Variants in HOXB6 observed in about 807,000 individuals in gnomAD.
HOXB6 encodes the protein homeobox B6.
Under a neutral mutation model 24.2 loss-of-function variants are expected in HOXB6, and 18 were observed. That is an observed-to-expected ratio of 0.74 (90% confidence interval 0.51 to 1.10). HOXB6 has a LOEUF of 1.10. Among genes scored for constraint, HOXB6 ranks in the 50% least tolerant of loss-of-function variants. The pLI is 0.00. For missense variants in HOXB6, 332 were observed against 308.3 expected (o/e 1.08, Z -0.58); for synonymous variants, 159 against 139.1 (o/e 1.14, Z -1.01).
Position 48,597,755 on chromosome 17 carries a change from C to T in HOXB6, c.396G>A (p.Gln132=). ...ACTCACTGTTGCACGAATTCATCCG[C>T]TGCATCCACGGGTAGACCGGAGTGG... The part of the protein sequence containing the change: ...KCSTPVYPWM[Q]RMNSCNSSSF... Residue 132 remains glutamine, a synonymous_variant, in exon 3 of 4, where the codon CAG becomes CAA. Transcript: ENST00000225648. 5.6e-6 allele frequency: 9 copies of T among 1,613,088 alleles called. No homozygotes were observed. The highest frequency in any genetic ancestry group is 7.6e-6 in the Non-Finnish European group (9 of 1,179,586).
In HOXB6 at chr17:48,596,714, G is replaced by A; in HGVS notation, c.416-42C>T. 1 of 1,604,976 alleles carries A rather than the reference G, an allele frequency of 6.2e-7. No homozygotes were observed. The highest frequency in any genetic ancestry group is 8.5e-7 in the Non-Finnish European group (1 of 1,179,856). On this transcript the variant is annotated intron_variant, in intron 3 of 3. Coordinates refer to ENST00000225648, the MANE Select transcript of HOXB6 (RefSeq NM_018952.5). The surrounding 1 kb of genome is among the most constrained non-coding windows in gnomAD (Gnocchi z 4.8). ...AGATGCTGAGGCCTGCGGTCACCGG[G>A]CCCAGGACCCCCTCCCCTAGTCGAC... is the stretch of plus-strand genomic sequence containing the variant.
intron 2 of HOXB6, among the ~76,000 whole-genome samples, chr17:48,600,288 A>G (rs2070427685): frequency 6.6e-6 from 1 of 152,096 alleles, no homozygotes; most frequent in Admixed American, 6.5e-5. Flanking sequence ...CTCCCTGCCC[A>G]CAATGTCTCC....
At chr17:48,600,311 A>G in intron 2 of HOXB6, 1 of 380,264 alleles carries the variant, frequency 2.6e-6, no homozygotes, top group Non-Finnish European at 5.2e-6. Context: ...CCTAGCACTA[A>G]ATAGTGTGGT....
chr17:48,597,685 G>A (rs1485561783), intron 3 of HOXB6, 51 bp downstream of exon 3: 10 of 1,583,198 alleles, frequency 6.3e-6, no homozygotes, highest in Non-Finnish European at 8.6e-6. Context: ...CTGTGTCCCG[G>A]GGTGGGCGCC....
At position 48,597,872 on chromosome 17, in the gene HOXB6, G is replaced by C. The variant is rs35227248; in HGVS notation, c.279C>G (p.Ala93=). The C allele has an allele frequency of 8.2e-6, 13 of 1,591,074 alleles. No homozygotes were observed. In the South Asian group the frequency reaches 1.2e-4, roughly 15 times the overall value. ...CGGGGTGGAACGGGGGCTGCTCGTC[G>C]GCGCCGGAGAGTGCGCAGGCCGACT... ...EKESACALSG[A]DEQPPFHPEP... The change falls in exon 3 of 4, where the codon GCC becomes GCG. Residue 93 remains alanine (A), a synonymous_variant. Transcript: ENST00000225648.
intron 2 of HOXB6, chr17:48,601,470 T>C (rs1162262042): frequency 6.6e-6 from 1 of 152,428 alleles, no homozygotes; most frequent in East Asian, 1.9e-4. Context: ...TTCAATACCA[T>C]GTACCAGCTT....
intron 2 of HOXB6, among the ~76,000 whole-genome samples, chr17:48,602,828 T>C (rs928219554): frequency 6.6e-6 from 1 of 152,218 alleles, no homozygotes; most frequent in African/African-American, 2.4e-5. Flanking sequence ...CCTCCAAGAC[T>C]ACAGGAGAAA....
At position 48,597,842 on chromosome 17, in the gene HOXB6, C is replaced by G. The variant is rs1223964587; in HGVS notation, c.309G>C (p.Pro103=). ...TGTCCTGCGCGCAGTCCGACTTCCG[C>G]GGCTCGGGGTGGAACGGGGGCTGCT... ...ADEQPPFHPE[P]RKSDCAQDKS... Residue 103 remains proline, a synonymous_variant, in exon 3 of 4, where the codon CCG becomes CCC. Transcript: ENST00000225648. The G allele has an allele frequency of 6.2e-7, 1 of 1,600,318 alleles. No homozygotes were observed.
rs2070339954 is a variant in HOXB6 at position 48,597,631 on chromosome 17, C to T, written c.415+105G>A. 5 of 1,271,534 alleles carry T rather than the reference C, an allele frequency of 3.9e-6. No individual in the cohort carries two copies. The South Asian group carries it at 5.1e-5, about 13-fold the overall frequency. The allele number at this position is 1,271,534 out of a possible 1,614,324, so 78.8% of individuals were successfully genotyped here. A position where few individuals can be genotyped will look rare whatever the true frequency, so the allele number is the denominator to read the frequency against. ...TTCTATCTCCTAACTGAGATGCCCA[C>T]CCAGCACCCTGTGGGAGATTGGGGC... On this transcript the variant is annotated intron_variant, in intron 3 of 3. Coordinates refer to ENST00000225648, the MANE Select transcript of HOXB6 (RefSeq NM_018952.5).
chr17:48,600,300 T>C, intron 2 of HOXB6: 1 of 371,698 alleles, frequency 2.7e-6, no homozygotes, highest in Non-Finnish European at 5.3e-6. Flanking sequence ...AATGTCTCCA[T>C]CCTAGCACTA....
intron 2 of HOXB6, chr17:48,600,624 C>T (rs1227340280): frequency 2.3e-6 from 1 of 440,582 alleles, no homozygotes; most frequent in East Asian, 7.0e-5. Flanking sequence ...GAGACCGACT[C>T]CTTTCTGGAG....
In HOXB6 at chr17:48,596,951, G is replaced by T; in HGVS notation, c.416-279C>A. ...GGCTGGTCAGGTGTGTCTCTTCCTA[G>T]TTGCATCTTGTCTTTCCCTCCCTTT... On this transcript the variant is annotated intron_variant, in intron 3 of 3. Transcript: ENST00000225648. This position sits in a 1 kb window ranked among gnomAD's most constrained non-coding sequence, Gnocchi z 4.8. 7.5e-7 allele frequency: 1 copy of T among 1,336,810 alleles called. No homozygotes were observed. The highest frequency in any genetic ancestry group is 9.7e-7 in the Non-Finnish European group (1 of 1,035,616). 82.8% of individuals were successfully genotyped at this position (1,336,810 alleles called of 1,614,324 possible).
rs1382833661 is a variant in HOXB6 at position 48,597,968 on chromosome 17, C to T, written c.183G>A (p.Pro61=). ...CCGCTCGGCCGTAGCCACCGCCCGC[C>T]GGCGGGTAATAGGAGGAAGTGGCAA... ...KGFATSSYYP[P]AGGGYGRAAP... The change falls in exon 3 of 4, where the codon CCG becomes CCA. Residue 61 remains proline (P), a synonymous_variant. Coordinates refer to ENST00000225648, the MANE Select transcript of HOXB6 (RefSeq NM_018952.5). 2 of 1,581,896 alleles carry T rather than the reference C, an allele frequency of 1.3e-6. No homozygotes were observed. Among genetic ancestry groups the T allele is most frequent in the African/African-American group, 1.3e-5 (1 of 74,288 alleles).
chr17:48,602,261 G>C (rs1359793133), intron 2 of HOXB6: 4 of 455,814 alleles, frequency 8.8e-6, no homozygotes, highest in Non-Finnish European at 1.8e-5. Flanking sequence ...GAGTGGAACT[G>C]ACGGGGCCGG....
Position 48,598,060 on chromosome 17 carries a change from C to G in HOXB6, c.91G>C (p.Gly31Arg), listed in dbSNP as rs762346893. ...TAATGTCTCAGCGGGTCCGCATAGC[C>G]CGACGAATAGAGCGGTAGCTGGCCC... ...FLGQLPLYSS[G>R]YADPLRHYPA... The change falls in exon 3 of 4, where the codon GGC becomes CGC. Residue 31 changes from glycine (G) to arginine (R), a missense_variant. Gly to Arg is a moderately radical substitution (Grantham distance 125). Coordinates refer to ENST00000225648, the MANE Select transcript of HOXB6 (RefSeq NM_018952.5). 1.2e-6 allele frequency: 2 copies of G among 1,604,194 alleles called. No individual in the cohort carries two copies. The highest frequency in any genetic ancestry group is 1.7e-6 in the Non-Finnish European group (2 of 1,175,708).
intron 2 of HOXB6, among the ~76,000 whole-genome samples, chr17:48,602,887 T>A (rs1404053143): frequency 6.6e-6 from 1 of 152,146 alleles, no homozygotes. Flanking sequence ...TTGAGAATAG[T>A]CCCCGAGTGC....
In HOXB6 at chr17:48,596,901, ACTCC is replaced by A; in HGVS notation, c.416-233_416-230del. The A allele has an allele frequency of 7.5e-7, 1 of 1,338,030 alleles. No individual in the cohort carries two copies. The highest frequency in any genetic ancestry group is 9.8e-7 in the Non-Finnish European group (1 of 1,018,416). 82.9% of individuals were successfully genotyped at this position (1,338,030 alleles called of 1,614,324 possible). A position where few individuals can be genotyped will look rare whatever the true frequency, so the allele number is the denominator to read the frequency against. On this transcript the variant is annotated intron_variant, in intron 3 of 3. Coordinates refer to ENST00000225648, the MANE Select transcript of HOXB6 (RefSeq NM_018952.5). The surrounding 1 kb of genome is among the most constrained non-coding windows in gnomAD (Gnocchi z 4.8). ...ATGGGGGAGGGGAGGAGCAGTTTGAACTCCCACCTGAGCCTGGGGGGAGGGGCTG... is the reference window on the plus strand; with the variant it reads ...ATGGGGGAGGGGAGGAGCAGTTTGAACACCTGAGCCTGGGGGGAGGGGCTG...
intron 2 of HOXB6, among the ~76,000 whole-genome samples, chr17:48,600,195 G>A (rs80058468): frequency 0.011 from 1,612 of 152,226 alleles, 23 homozygotes; most frequent in African/African-American, 0.035. Flanking sequence ...TTGAACAGGG[G>A]GAGAAAAGTG....
chr17:48,599,148 T>G (rs1274502676), intron 2 of HOXB6, among the ~76,000 whole-genome samples: 2 of 152,132 alleles, frequency 1.3e-5, no homozygotes, highest in Non-Finnish European at 2.9e-5. Flanking sequence ...GTGAGGGGTA[T>G]CCCTCAGCCT....
Sources: gnomAD v4.1 joint callset for allele counts (sites outside exome capture counted in the v4.1 genomes callset) on GRCh38, gnomAD v4.1.1 for gene constraint, Gnocchi (gnomAD v3.1) non-coding constraint, MANE v1.5 for transcripts, NCBI Gene and HGNC (gene_info 2026-07-23, HGNC 2026-07-21) for gene names.